GPR137C: variants seen among roughly 807,000 people sequenced by gnomAD.
The protein encoded by GPR137C is integral membrane protein GPR137C.
GPR137C carries 27 observed loss-of-function variants against 43.4 expected under a neutral mutation model. The ratio of observed to expected loss-of-function variants is 0.62; its 90% CI spans 0.46 to 0.86. The LOEUF (loss-of-function observed/expected upper bound fraction) is 0.86. Ranked by LOEUF, GPR137C falls within the 40% of genes least tolerant of loss-of-function variation. The pLI, the probability that GPR137C is intolerant of heterozygous loss-of-function variation, is 0.00. For missense variants in GPR137C, 522 were observed against 534.6 expected, an observed-to-expected ratio of 0.98 and a Z score of 0.23; for synonymous variants, 285 against 226.9, an observed-to-expected ratio of 1.26 and a Z score of -2.30.
At chr14:52,568,063 C>T (rs920508717) in intron 1 of GPR137C, among the ~76,000 whole-genome samples, 67 of 152,158 alleles carry the variant, frequency 4.4e-4, no homozygotes, top group Admixed American at 1.6e-3. Context: ...GGGAGATCAG[C>T]GCAGAAGGTG....
At chr14:52,633,036 T>C (rs967667028) in intron 4 of GPR137C, among the ~76,000 whole-genome samples, 1 of 152,128 alleles carries the variant, frequency 6.6e-6, no homozygotes. Flanking sequence ...TATTCACTCC[T>C]TTTTCCATTT....
intron 3 of GPR137C, chr14:52,613,197 GAT>G (rs972933713): frequency 1.3e-5 from 2 of 148,564 alleles, no homozygotes; most frequent in African/African-American, 5.0e-5. Flanking sequence ...AGTGAGCTGA[GAT>G]CATGCCACTG....
intron 1 of GPR137C, among the ~76,000 whole-genome samples, chr14:52,553,930 A>G (rs1245179227): frequency 6.6e-6 from 1 of 152,220 alleles, no homozygotes; most frequent in Non-Finnish European, 1.5e-5. Context: ...CGCAAGAAGT[A>G]GCAGCCCCGG....
At chr14:52,591,181 G>T (rs1184400285) in intron 1 of GPR137C, among the ~76,000 whole-genome samples, 2 of 152,072 alleles carry the variant, frequency 1.3e-5, no homozygotes, top group East Asian at 3.9e-4. Context: ...TTATGGCTGT[G>T]TAGTATTCCA....
rs1345518268 is a variant in GPR137C at position 52,632,230 on chromosome 14, A to G, written c.788A>G (p.Tyr263Cys). ...CTTCTGTACTCTTCCAGAGCTTGTT[A>G]TAATTTGGTGGTGGTCACCATATCT... ...VILLYSSRAC[Y>C]NLVVVTISQD... Residue 263 changes from tyrosine to cysteine, a missense_variant, in exon 4 of 7, where the codon TAT becomes TGT. This residue lies in a region of GPR137C where 437 missense variants were observed against 425.7 expected (regional missense o/e 1.03). Transcript: ENST00000321662. 7.5e-6 allele frequency: 12 copies of G among 1,609,174 alleles called. No individual in the cohort carries two copies. The highest frequency in any genetic ancestry group is 1.0e-5 in the Non-Finnish European group (12 of 1,175,612).
intron 1 of GPR137C, among the ~76,000 whole-genome samples, chr14:52,592,818 T>G (rs926072832): frequency 6.6e-6 from 1 of 152,196 alleles, no homozygotes; most frequent in Non-Finnish European, 1.5e-5. Context: ...TGAATACCCT[T>G]TATTTCTTTC....
intron 1 of GPR137C, among the ~76,000 whole-genome samples, chr14:52,569,015 A>G (rs1400012239): frequency 1.3e-5 from 2 of 152,154 alleles, no homozygotes; most frequent in Non-Finnish European, 1.5e-5. Context: ...ACCTCCCAGC[A>G]AGGGGCGACA....
intron 3 of GPR137C, among the ~76,000 whole-genome samples, chr14:52,623,782 C>A: frequency 6.6e-6 from 1 of 152,094 alleles, no homozygotes. Flanking sequence ...TCTTTCTCAG[C>A]ATCTTAGAGG....
intron 1 of GPR137C, among the ~76,000 whole-genome samples, chr14:52,571,967 A>G (rs2038477864): frequency 6.6e-6 from 1 of 152,190 alleles, no homozygotes; most frequent in Non-Finnish European, 1.5e-5. Flanking sequence ...TACTGCAAAC[A>G]CCTGTACACA....
intron 2 of GPR137C, among the ~76,000 whole-genome samples, chr14:52,599,459 A>G (rs1218532769): frequency 6.9e-6 from 1 of 144,950 alleles, no homozygotes; most frequent in Non-Finnish European, 1.5e-5. Context: ...TTATTGATAC[A>G]GTCTCGCAGT....
chr14:52,597,101 C>G (rs975861880), intron 1 of GPR137C: 1 of 401,682 alleles, frequency 2.5e-6, no homozygotes, highest in African/African-American at 2.0e-5. Context: ...ATTCACCTGC[C>G]TAACACCAAT....
At chr14:52,559,379 T>TCAAAAA (rs1197190300) in intron 1 of GPR137C, among the ~76,000 whole-genome samples, 2 of 151,088 alleles carry the variant, frequency 1.3e-5, no homozygotes. Flanking sequence ...AGACTCCATC[T>TCAAAAA]CAAAAACAAA....
At position 52,553,147 on chromosome 14, in the gene GPR137C, C is replaced by G; in HGVS notation, c.-1C>G. ...TCGCTCGCCCGGCCCCCAGCCCCCT[C>G]ATGAGGGTGTCCGTGCCGGGTCCGG... is the stretch of plus-strand genomic sequence containing the variant. On this transcript the variant is annotated 5_prime_UTR_variant, in exon 1 of 7. Transcript: ENST00000321662. 2 of 1,169,988 alleles carry G rather than the reference C, an allele frequency of 1.7e-6. No individual in the cohort carries two copies. The highest frequency in any genetic ancestry group is 1.1e-6 in the Non-Finnish European group (1 of 950,666). 72.5% of individuals were successfully genotyped at this position (1,169,988 alleles called of 1,614,324 possible).
At chr14:52,565,485 T>C (rs2038355061) in intron 1 of GPR137C, among the ~76,000 whole-genome samples, 1 of 152,216 alleles carries the variant, frequency 6.6e-6, no homozygotes, top group African/African-American at 2.4e-5. Flanking sequence ...TCTTTGGATA[T>C]GCCATCTATG....
At chr14:52,595,550 C>T (rs957244980) in intron 1 of GPR137C, among the ~76,000 whole-genome samples, 16 of 152,028 alleles carry the variant, frequency 1.1e-4, no homozygotes, top group African/African-American at 3.6e-4. Flanking sequence ...CTTGTCTCCT[C>T]GCTCTGTTTT....
intron 1 of GPR137C, among the ~76,000 whole-genome samples, chr14:52,591,455 G>A (rs2139507473): frequency 6.6e-6 from 1 of 152,304 alleles, no homozygotes; most frequent in South Asian, 2.1e-4. Flanking sequence ...CAGTGTAAAA[G>A]CATTCCTATT....
chr14:52,553,592 G>T lies in GPR137C; in HGVS notation c.444+1G>T. ...TCTCCTCAACCTCTACCTGGCGGAG[G>T]TAAGGCGGGAGGGCCGGCATGCGGG... On this transcript the variant is annotated splice_donor_variant, in intron 1 of 6. Coordinates refer to ENST00000321662, the MANE Select transcript of GPR137C (RefSeq NM_001099652.2). LOFTEE classifies it high-confidence loss of function. The T allele has an allele frequency of 1.3e-6, 2 of 1,557,058 alleles. No individual in the cohort carries two copies. Among genetic ancestry groups the T allele is most frequent in the Non-Finnish European group, 1.7e-6 (2 of 1,148,304 alleles).
At chr14:52,582,480 A>G (rs1324696470) in intron 1 of GPR137C, among the ~76,000 whole-genome samples, 1 of 152,232 alleles carries the variant, frequency 6.6e-6, no homozygotes, top group Admixed American at 6.5e-5. Context: ...TAAAGGAGAC[A>G]TATAAGTCTG....
intron 1 of GPR137C, among the ~76,000 whole-genome samples, chr14:52,590,372 A>G (rs2038766778): frequency 6.6e-6 from 1 of 152,210 alleles, no homozygotes; most frequent in African/African-American, 2.4e-5. Flanking sequence ...AAAAGTGTAT[A>G]AATTTAAAAA....
Sources: gnomAD v4.1 joint callset for allele counts (sites outside exome capture counted in the v4.1 genomes callset) on GRCh38, gnomAD v4.1.1 for gene constraint, gnomAD v4.1.1 regional missense constraint, MANE v1.5 for transcripts, NCBI Gene and HGNC (gene_info 2026-07-23, HGNC 2026-07-21) for gene names.